The following TMEM196 variants were observed in gnomAD, a reference collection of about 807,000 sequenced individuals.
TMEM196 encodes the protein transmembrane protein 196.
TMEM196 carries 17 observed loss-of-function variants against 20.0 expected under a neutral mutation model. The ratio of observed to expected loss-of-function variants is 0.85; its 90% CI spans 0.58 to 1.27. The LOEUF is 1.27. TMEM196 is among the 50% of genes most tolerant of loss of function. TMEM196 has a pLI of 0.00. For missense variants in TMEM196, 267 were observed against 223.0 expected (o/e 1.20, Z -1.26); for synonymous variants, 113 against 88.9 (o/e 1.27, Z -1.52).
intron 1 of TMEM196, among the ~76,000 whole-genome samples, chr7:19,770,076 G>A (rs1785806442): frequency 2.0e-5 from 3 of 152,174 alleles, no homozygotes; most frequent in Non-Finnish European, 2.9e-5. Context: ...TGAAGCATTA[G>A]TTAACACTGC....
chr7:19,770,292 A>G (rs891792992), intron 1 of TMEM196, among the ~76,000 whole-genome samples: 1 of 152,142 alleles, frequency 6.6e-6, no homozygotes, highest in Non-Finnish European at 1.5e-5. Context: ...TTTTTAAGAC[A>G]GTGCTCTGAC....
intron 1 of TMEM196, among the ~76,000 whole-genome samples, chr7:19,739,416 A>G (rs1023175507): frequency 2.0e-5 from 3 of 152,132 alleles, no homozygotes; most frequent in Non-Finnish European, 4.4e-5. Context: ...GAAAATACAT[A>G]AAATATAATT....
intron 1 of TMEM196, among the ~76,000 whole-genome samples, chr7:19,756,518 C>T (rs1038063315): frequency 6.6e-6 from 1 of 152,048 alleles, no homozygotes; most frequent in South Asian, 2.1e-4. Context: ...TCTCCCTCCT[C>T]CCATCGTCCA....
At chr7:19,732,743 C>T (rs1388945568) in intron 1 of TMEM196, among the ~76,000 whole-genome samples, 2 of 151,920 alleles carry the variant, frequency 1.3e-5, no homozygotes, top group East Asian at 3.9e-4. Context: ...GATATAACTT[C>T]TGATGTAATC....
At chr7:19,758,998 A>C (rs894906975) in intron 1 of TMEM196, among the ~76,000 whole-genome samples, 1 of 152,162 alleles carries the variant, frequency 6.6e-6, no homozygotes, top group Non-Finnish European at 1.5e-5. Flanking sequence ...TTCTCTTTAC[A>C]TATTTATTTT....
At chr7:19,761,272 C>G (rs1475417743) in intron 1 of TMEM196, among the ~76,000 whole-genome samples, 1 of 152,144 alleles carries the variant, frequency 6.6e-6, no homozygotes, top group Non-Finnish European at 1.5e-5. Context: ...ATGGAAAACC[C>G]TGCTAATTAT....
chr7:19,727,948 G>A (rs556194987), intron 2 of TMEM196, among the ~76,000 whole-genome samples: 2 of 152,032 alleles, frequency 1.3e-5, no homozygotes, highest in East Asian at 3.9e-4. Flanking sequence ...TTAAAATGTA[G>A]AAAATATTGA....
At chr7:19,767,826 A>C (rs1187537786) in intron 1 of TMEM196, among the ~76,000 whole-genome samples, 5 of 151,962 alleles carry the variant, frequency 3.3e-5, no homozygotes, top group Non-Finnish European at 5.9e-5. Flanking sequence ...AATTGTGTAC[A>C]TTTGCAGTAA....
In TMEM196 at chr7:19,720,932, T is replaced by C. The variant is rs1370856851; in HGVS notation, c.*1196A>G. The C allele has an allele frequency of 6.6e-6, 1 of 151,926 alleles. No individual in the cohort carries two copies. Among genetic ancestry groups the C allele is most frequent in the African/African-American group, 2.4e-5 (1 of 41,442 alleles). 9.4% of individuals were successfully genotyped at this position (151,926 alleles called of 1,614,324 possible). A position where few individuals can be genotyped will look rare whatever the true frequency, so the allele number is the denominator to read the frequency against. ...CTGCAAGGTGTTTGAAATATCAATA[T>C]CATCAATAATTTTAAGTCATGATAT... is the stretch of plus-strand genomic sequence containing the variant. On this transcript the variant is annotated 3_prime_UTR_variant, in exon 5 of 5. Coordinates refer to ENST00000405844, the MANE Select transcript of TMEM196 (RefSeq NM_001363562.2).
chr7:19,765,488 T>G (rs1785590683), intron 1 of TMEM196, among the ~76,000 whole-genome samples: 1 of 152,208 alleles, frequency 6.6e-6, no homozygotes, highest in African/African-American at 2.4e-5. Flanking sequence ...TTCAAGTTTC[T>G]AAGATATTAA....
At position 19,772,630 on chromosome 7, in the gene TMEM196, C is replaced by G. The variant is rs182954631; in HGVS notation, c.67G>C (p.Val23Leu). 100 of 1,547,340 alleles carry G rather than the reference C, an allele frequency of 6.5e-5. No homozygotes were observed. Among genetic ancestry groups the G allele is most frequent in the Non-Finnish European group, 8.2e-5 (94 of 1,145,918 alleles). Reference sequence around the variant, plus strand: ...ACCGCCCCCACGGCCACGCTGGACACCCCCAGCCCTATCTCCAGCACGGAG... The same window carrying G: ...ACCGCCCCCACGGCCACGCTGGACAGCCCCAGCCCTATCTCCAGCACGGAG... ...VLSVLEIGLG[V>L]SSVAVGAVSF... is the part of the protein sequence containing the mutation. Residue 23 changes from valine (V) to leucine (L), a missense_variant, in exon 1 of 5, where the codon GTG becomes CTG. Transcript: ENST00000405844.
chr7:19,741,759 A>G (rs1378749761), intron 1 of TMEM196, among the ~76,000 whole-genome samples: 1 of 152,196 alleles, frequency 6.6e-6, no homozygotes, highest in Non-Finnish European at 1.5e-5. Context: ...GTAATTTCCC[A>G]AACTAGAAAA....
chr7:19,729,894 C>T lies in TMEM196; in HGVS notation c.148-456G>A, dbSNP rs114532131. Among the ~76,000 whole-genome samples, 851 of 152,172 alleles carry T rather than the reference C, an allele frequency of 5.6e-3. 7 individuals carry two copies. Among genetic ancestry groups the T allele is most frequent in the African/African-American group, 0.02 (818 of 41,510 alleles). ...TTCTCTATAGAGATACTCTTTGTAC[C>T]ACTCCAATTGGTACAATGACAACCT... On this transcript the variant is annotated intron_variant, in intron 1 of 4. Coordinates refer to ENST00000405844, the MANE Select transcript of TMEM196 (RefSeq NM_001363562.2).
At chr7:19,759,092 A>G (rs899208185) in intron 1 of TMEM196, among the ~76,000 whole-genome samples, 2 of 152,186 alleles carry the variant, frequency 1.3e-5, no homozygotes, top group South Asian at 2.1e-4. Flanking sequence ...CCTTGACTCC[A>G]AAGTCTGTTG....
At chr7:19,754,108 A>G (rs965665424) in intron 1 of TMEM196, among the ~76,000 whole-genome samples, 2 of 152,214 alleles carry the variant, frequency 1.3e-5, no homozygotes, top group Non-Finnish European at 2.9e-5. Flanking sequence ...GGTTTGCATC[A>G]TGGCTCTCCC....
At chr7:19,733,379 T>A (rs76692089) in intron 1 of TMEM196, among the ~76,000 whole-genome samples, 3,900 of 152,240 alleles carry the variant, frequency 0.026, 77 homozygotes, top group South Asian at 0.069. Context: ...TGGTTGAGAT[T>A]CCAAGACAAT....
intron 1 of TMEM196, among the ~76,000 whole-genome samples, chr7:19,737,926 T>A (rs1285172001): frequency 6.6e-6 from 1 of 151,962 alleles, no homozygotes; most frequent in East Asian, 1.9e-4. Context: ...TTAATTTTGT[T>A]AAAAATTAAA....
chr7:19,751,378 T>G (rs1784954704), intron 1 of TMEM196, among the ~76,000 whole-genome samples: 1 of 152,222 alleles, frequency 6.6e-6, no homozygotes, highest in African/African-American at 2.4e-5. Flanking sequence ...AGCACTGCTC[T>G]TTAGAACCAA....
chr7:19,763,985 T>C (rs779551484), intron 1 of TMEM196, among the ~76,000 whole-genome samples: 1 of 152,202 alleles, frequency 6.6e-6, no homozygotes, highest in Non-Finnish European at 1.5e-5. Context: ...TCCAAACCTA[T>C]TCTCACTTCT....
Sources: allele counts gnomAD v4.1 joint callset (sites outside exome capture counted in the v4.1 genomes callset), GRCh38; gene constraint gnomAD v4.1.1; transcripts MANE v1.5; gene names NCBI Gene and HGNC (gene_info 2026-07-23, HGNC 2026-07-21).